SGCZ: variants seen among roughly 807,000 people sequenced by gnomAD.
SGCZ encodes the protein zeta-sarcoglycan.
Under a neutral mutation model 41.3 loss-of-function variants are expected in SGCZ, and 40 were observed. The observed-to-expected ratio is 0.97, with a 90% confidence interval of 0.75 to 1.26. The LOEUF (loss-of-function observed/expected upper bound fraction) is 1.26. Ranked by LOEUF, SGCZ falls within the 50% of genes most tolerant of loss-of-function variation. SGCZ has a pLI of 0.00. For synonymous variants in SGCZ, 206 were observed against 137.5 expected, an observed-to-expected ratio of 1.50 and a Z score of -3.49; for missense variants, 552 against 369.8, an observed-to-expected ratio of 1.49 and a Z score of -4.04.
chr8:15,082,993 T>C (rs1812892809), intron 1 of SGCZ, among the ~76,000 whole-genome samples: 10 of 151,884 alleles, frequency 6.6e-5, no homozygotes, highest in Admixed American at 5.2e-4. Flanking sequence ...CTTTATTCAT[T>C]GAATTTACTA....
Position 15,238,149 on chromosome 8 carries a change from C to G in SGCZ, c.-526G>C, listed in dbSNP as rs1043007725. 6.6e-6 allele frequency: 1 copy of G among 152,538 alleles called. No homozygotes were observed. Among genetic ancestry groups the G allele is most frequent in the Non-Finnish European group, 1.5e-5 (1 of 68,370 alleles). 9.4% of individuals were successfully genotyped at this position (152,538 alleles called of 1,614,324 possible). A position where few individuals can be genotyped will look rare whatever the true frequency, so the allele number is the denominator to read the frequency against. Reference sequence around the variant, plus strand: ...AGGCATTAGCAATGATCAGTTTCCCCGGCAAGATAACAGAATCCCCGAAGT... The same window carrying G: ...AGGCATTAGCAATGATCAGTTTCCCGGGCAAGATAACAGAATCCCCGAAGT... On this transcript the variant is annotated 5_prime_UTR_variant, in exon 1 of 8. Transcript: ENST00000382080.
Position 14,650,397 on chromosome 8 carries a change from A to C in SGCZ, c.40-95471T>G, listed in dbSNP as rs117728786. Among the ~76,000 whole-genome samples the C allele has an allele frequency of 6.9e-3, 1,045 of 152,088 alleles. 15 individuals carry two copies. The highest frequency in any genetic ancestry group is 0.024 in the Middle Eastern group (7 of 294). The stretch of plus-strand genomic sequence containing the variant: ...TCAGGGTTACATGTGCAGGTTTGTC[A>C]TATAGGTCAATTCATGTCATGGGGG... On this transcript the variant is annotated intron_variant, in intron 1 of 7. Transcript: ENST00000382080.
intron 1 of SGCZ, among the ~76,000 whole-genome samples, chr8:15,121,745 G>A (rs1807484683): frequency 1.3e-5 from 2 of 152,012 alleles, no homozygotes; most frequent in Admixed American, 1.3e-4. Flanking sequence ...ACAAATGAGT[G>A]GAAATTGTAT....
rs191538116 is a variant in SGCZ at position 14,975,125 on chromosome 8, T to G, written c.39+262460A>C. Among the ~76,000 whole-genome samples, 745 of 152,084 alleles carry G rather than the reference T, an allele frequency of 4.9e-3. 3 individuals carry two copies. Among genetic ancestry groups the G allele is most frequent in the African/African-American group, 0.017 (700 of 41,506 alleles). On this transcript the variant is annotated intron_variant, in intron 1 of 7. Transcript: ENST00000382080. ...ATGGAGACCATCCTGGCTAACATGG[T>G]GAAACCGCGTCTCTACTAAAAATAC... is the stretch of plus-strand genomic sequence containing the variant.
At chr8:14,366,410 A>G (rs1044024646) in intron 2 of SGCZ, among the ~76,000 whole-genome samples, 2 of 152,180 alleles carry the variant, frequency 1.3e-5, no homozygotes, top group Non-Finnish European at 2.9e-5. Context: ...TCATGAGAAC[A>G]GCATGGGGGA....
intron 1 of SGCZ, among the ~76,000 whole-genome samples, chr8:15,035,900 T>A (rs1803858093): frequency 6.6e-6 from 1 of 152,096 alleles, no homozygotes. Flanking sequence ...AGAACTTTAA[T>A]ATTGCATTTT....
intron 2 of SGCZ, among the ~76,000 whole-genome samples, chr8:14,485,673 C>T (rs59354220): frequency 0.68 from 102,709 of 151,952 alleles, 35,830 homozygotes; most frequent in East Asian, 0.79. Flanking sequence ...AGGGTTCTCA[C>T]TGTAACAGAA....
chr8:15,041,737 A>C (rs531968244), intron 1 of SGCZ, among the ~76,000 whole-genome samples: 1 of 137,590 alleles, frequency 7.3e-6, no homozygotes, highest in African/African-American at 2.5e-5. Flanking sequence ...TATAATTTTC[A>C]GATTGGGAAA....
chr8:14,422,711 G>A (rs1473850745), intron 2 of SGCZ, among the ~76,000 whole-genome samples: 1 of 152,192 alleles, frequency 6.6e-6, no homozygotes, highest in South Asian at 2.1e-4. Context: ...TTTAGGACAA[G>A]TCTAGAATAA....
intron 2 of SGCZ, among the ~76,000 whole-genome samples, chr8:14,523,994 C>T (rs965644746): frequency 6.6e-6 from 1 of 151,950 alleles, no homozygotes; most frequent in Non-Finnish European, 1.5e-5. Flanking sequence ...TTCTTATGTA[C>T]TCATCATTCT....
intron 4 of SGCZ, among the ~76,000 whole-genome samples, chr8:14,219,667 T>C (rs2117117454): frequency 6.6e-6 from 1 of 152,050 alleles, no homozygotes; most frequent in African/African-American, 2.4e-5. Context: ...GAATCACTTG[T>C]ACTTGGGAGC....
chr8:14,616,111 A>G (rs1469125997), intron 1 of SGCZ, among the ~76,000 whole-genome samples: 4 of 152,062 alleles, frequency 2.6e-5, no homozygotes, highest in African/African-American at 9.6e-5. Context: ...GTGAAACCTC[A>G]TCTCTACTAA....
rs1466537145 is a variant in SGCZ at position 14,400,456 on chromosome 8, T to A, written c.235-76252A>T. Among the ~76,000 whole-genome samples, 3 of 152,236 alleles carry A rather than the reference T, an allele frequency of 2.0e-5. No homozygotes were observed. The East Asian group carries it at 5.8e-4, about 29-fold the overall frequency. On this transcript the variant is annotated intron_variant, in intron 2 of 7. Coordinates refer to ENST00000382080, the MANE Select transcript of SGCZ (RefSeq NM_139167.4). ...TAATACATATATAAGCATGTATGTA[T>A]AATTTTTTGTGTGGATAGATGTTTG...
intron 1 of SGCZ, among the ~76,000 whole-genome samples, chr8:14,770,885 TA>T (rs1023450427): frequency 5.3e-5 from 8 of 151,952 alleles, no homozygotes; most frequent in African/African-American, 1.9e-4. Context: ...AAACAGAATT[TA>T]AAAAAACAAT....
chr8:14,610,650 C>T (rs1439574681), intron 1 of SGCZ, among the ~76,000 whole-genome samples: 1 of 152,116 alleles, frequency 6.6e-6, no homozygotes, highest in East Asian at 1.9e-4. Context: ...GCTTCCCCTA[C>T]AGGGTGCATA....
intron 1 of SGCZ, among the ~76,000 whole-genome samples, chr8:14,730,882 G>A (rs2254163): frequency 0.8 from 121,824 of 151,690 alleles, 49,346 homozygotes; most frequent in African/African-American, 0.9. Flanking sequence ...AAAAGTCAGG[G>A]AACAAGATGC....
chr8:14,883,200 T>C (rs998178061), intron 1 of SGCZ, among the ~76,000 whole-genome samples: 5 of 149,866 alleles, frequency 3.3e-5, no homozygotes, highest in Non-Finnish European at 5.9e-5. Context: ...AAGAAGAAAG[T>C]CTATGAACCT....
intron 3 of SGCZ, among the ~76,000 whole-genome samples, chr8:14,302,005 A>G (rs1020826848): frequency 2.5e-4 from 38 of 152,158 alleles, no homozygotes; most frequent in Non-Finnish European, 8.8e-5. Context: ...ATATCTGTCA[A>G]CTTCTTTACA....
chr8:15,088,105 C>T (rs1017174729), intron 1 of SGCZ, among the ~76,000 whole-genome samples: 1 of 152,058 alleles, frequency 6.6e-6, no homozygotes, highest in East Asian at 1.9e-4. Flanking sequence ...CACAAAATTA[C>T]CATTTTCTGA....
Sources: allele counts gnomAD v4.1 joint callset (sites outside exome capture counted in the v4.1 genomes callset), GRCh38; gene constraint gnomAD v4.1.1; transcripts MANE v1.5; gene names NCBI Gene and HGNC (gene_info 2026-07-23, HGNC 2026-07-21).